Variants in KCNH4 observed in about 807,000 individuals in gnomAD.
KCNH4 encodes the protein voltage-gated delayed rectifier potassium channel KCNH4.
KCNH4 carries 33 observed loss-of-function variants against 90.7 expected under a neutral mutation model. The ratio of observed to expected loss-of-function variants is 0.36; its 90% CI spans 0.28 to 0.49. The LOEUF is 0.49. Among genes scored for constraint, KCNH4 ranks in the 20% least tolerant of loss-of-function variants. The pLI is 0.98. For synonymous variants in KCNH4, 551 were observed against 581.7 expected (o/e 0.95, Z 0.76); for missense variants, 1,044 against 1,387.1 (o/e 0.75, Z 3.93).
At chr17:42,158,693 G>T (rs1455914178) in intron 16 of KCNH4, among the ~76,000 whole-genome samples, 1 of 150,248 alleles carries the variant, frequency 6.7e-6, no homozygotes, top group Non-Finnish European at 1.5e-5. Flanking sequence ...AAATTAGCCG[G>T]GTGTGGTGGC....
chr17:42,162,743 C>A (rs9894284), intron 14 of KCNH4, among the ~76,000 whole-genome samples: 20,197 of 151,976 alleles, frequency 0.13, 1,552 homozygotes, highest in East Asian at 0.39. Flanking sequence ...CAGGTGTGCA[C>A]CACCACGCCT....
intron 9 of KCNH4, among the ~76,000 whole-genome samples, chr17:42,167,674 A>G (rs1248573772): frequency 6.6e-6 from 1 of 152,074 alleles, no homozygotes; most frequent in Non-Finnish European, 1.5e-5. Flanking sequence ...CCCAAAGCCC[A>G]TCTTCCCCCT....
Position 42,178,132 on chromosome 17 carries a change from G to A in KCNH4, c.553C>T (p.Arg185Cys), listed in dbSNP as rs150841155. The A allele has an allele frequency of 3.5e-5, 56 of 1,614,004 alleles. No individual in the cohort carries two copies. The highest frequency in any genetic ancestry group is 8.3e-5 in the Admixed American group (5 of 59,996). Residue 185 changes from arginine to cysteine, a missense_variant, in exon 4 of 17, where the codon CGC (arginine) becomes TGC (cysteine). Arg to Cys is a radical substitution (Grantham distance 180, BLOSUM62 -3). This residue lies in a region of KCNH4 where 283 missense variants were observed against 378.6 expected (regional missense o/e 0.75). Coordinates refer to ENST00000264661, the MANE Select transcript of KCNH4 (RefSeq NM_012285.3). ...VLHRLTGHFG[R>C]RGQGGMKANN... ...GCCTTCATGCCTCCCTGGCCCCGGC[G>A]GCCAAAGTGGCCGGTCAGTCGGTGT...
At chr17:42,164,016 A>C in intron 12 of KCNH4, 58 bp from the exon 13 acceptor site, 3 of 1,497,916 alleles carry the variant, frequency 2.0e-6, no homozygotes, top group Non-Finnish European at 2.7e-6. Context: ...CCCCTTCATT[A>C]AGTAAGAGCC....
rs1485365049 is a variant in KCNH4, at chr17:42,180,867, C to T, written c.76+3G>A. On this transcript the variant is annotated splice_donor_region_variant and intron_variant, in intron 1 of 16. Transcript: ENST00000264661. This position sits in a 1 kb window ranked among gnomAD's most constrained non-coding sequence, Gnocchi z 4.7. ...CTCAAGCCCCGACCTCCGTCCCACT[C>T]ACGCGTTCCGTCAAAACGGGTGGCG... 6.2e-7 allele frequency: 1 copy of T among 1,613,886 alleles called. No individual in the cohort carries two copies.
chr17:42,157,272 C>T (rs1475085501), intron 16 of KCNH4, among the ~76,000 whole-genome samples, 154 bp from the exon 17 acceptor site: 1 of 152,152 alleles, frequency 6.6e-6, no homozygotes, highest in Non-Finnish European at 1.5e-5. Flanking sequence ...GGGCTCCACC[C>T]CGGACATTCC....
chr17:42,163,250 G>A lies in KCNH4; in HGVS notation c.2562C>T (p.Pro854=), dbSNP rs1417348556. 2.5e-6 allele frequency: 4 copies of A among 1,613,838 alleles called. No homozygotes were observed. The highest frequency in any genetic ancestry group is 2.2e-5 in the East Asian group (1 of 44,892). Residue 854 remains proline, a synonymous_variant, in exon 14 of 17, where the codon CCC becomes CCT. Coordinates refer to ENST00000264661, the MANE Select transcript of KCNH4 (RefSeq NM_012285.3). The surrounding 1 kb of genome is among the most constrained non-coding windows in gnomAD (Gnocchi z 5.4). ...TACCTGTAGGGGGCGCCTGGGAGCGGGGCCTTGGCAGTTCAGGCCTCCTGC... is the reference window on the plus strand; with the variant it reads ...TACCTGTAGGGGGCGCCTGGGAGCGAGGCCTTGGCAGTTCAGGCCTCCTGC... ...RFSRRPELPR[P]RSQAPPTGTR... is the part of the protein sequence containing the mutation.
intron 16 of KCNH4, among the ~76,000 whole-genome samples, chr17:42,157,906 T>A (rs900849619): frequency 1.3e-5 from 2 of 151,948 alleles, no homozygotes; most frequent in Non-Finnish European, 2.9e-5. Flanking sequence ...CACTCACCAC[T>A]ACACCTGGCT....
chr17:42,169,756 G>T, intron 8 of KCNH4, 80 bp from the exon 9 acceptor site: 1 of 1,456,240 alleles, frequency 6.9e-7, no homozygotes. Flanking sequence ...CCCTGTCCTG[G>T]ACCAAGAGCC....
At chr17:42,176,674 C>T (rs1417022639) in intron 4 of KCNH4, among the ~76,000 whole-genome samples, 1 of 151,524 alleles carries the variant, frequency 6.6e-6, no homozygotes, top group East Asian at 1.9e-4. Flanking sequence ...GGGAACATGC[C>T]ACCACACCTG....
At chr17:42,175,375 T>C (rs952151611) in intron 6 of KCNH4, among the ~76,000 whole-genome samples, 1 of 152,256 alleles carries the variant, frequency 6.6e-6, no homozygotes, top group African/African-American at 2.4e-5. Flanking sequence ...CCTCAAAGAT[T>C]GTGAGCTGAG....
At chr17:42,159,260 C>G (rs1222197031) in intron 16 of KCNH4, among the ~76,000 whole-genome samples, 2 of 152,210 alleles carry the variant, frequency 1.3e-5, no homozygotes, top group African/African-American at 2.4e-5. Context: ...CTCCTGACCT[C>G]AGGTGATCCG....
chr17:42,160,154 G>A lies in KCNH4; in HGVS notation c.2940C>T (p.Pro980=), dbSNP rs2079735412. 1.9e-6 allele frequency: 3 copies of A among 1,612,428 alleles called. No individual in the cohort carries two copies. Among genetic ancestry groups the A allele is most frequent in the Admixed American group, 1.7e-5 (1 of 59,892 alleles). The change falls in exon 16 of 17, where the codon CCC becomes CCT. Residue 980 remains proline (P), a synonymous_variant. Coordinates refer to ENST00000264661, the MANE Select transcript of KCNH4 (RefSeq NM_012285.3). ...GAGGGTCAGGCTCTGAGGGGTAGGG[G>A]GGCAATATGGAAGGTCTCAAGTCCA... The part of the protein sequence containing the change: ...ALLDLRPSIL[P]PYPSEPDPLG...
intron 4 of KCNH4, 81 bp downstream of exon 4, chr17:42,178,019 G>A (rs1047401414): frequency 6.5e-7 from 1 of 1,547,414 alleles, no homozygotes; most frequent in Non-Finnish European, 8.8e-7. Flanking sequence ...GACAGACAGG[G>A]AAGTGGGGAG....
intron 6 of KCNH4, among the ~76,000 whole-genome samples, chr17:42,173,997 G>A (rs1002138605): frequency 2.6e-5 from 4 of 151,936 alleles, no homozygotes; most frequent in African/African-American, 7.3e-5. Flanking sequence ...CACTGCGCCC[G>A]GCCAAGCTGG....
At position 42,164,309 on chromosome 17, in the gene KCNH4, C is replaced by G. The variant is rs144085797; in HGVS notation, c.2086-141G>C. On this transcript the variant is annotated intron_variant, in intron 11 of 16. Coordinates refer to ENST00000264661, the MANE Select transcript of KCNH4 (RefSeq NM_012285.3). ...GCTGAGTCAGAAACTATAACCCTAA[C>G]TCAAACAAACACTGCATATCAAAGT... 5.2e-5 allele frequency: 37 copies of G among 711,950 alleles called. No individual in the cohort carries two copies. The African/African-American group carries it at 6.6e-4, about 13-fold the overall frequency. The allele number at this position is 711,950 out of a possible 1,614,324, so 44.1% of individuals were successfully genotyped here. A position where few individuals can be genotyped will look rare whatever the true frequency, so the allele number is the denominator to read the frequency against.
chr17:42,175,961 G>A, intron 5 of KCNH4, 93 bp downstream of exon 5: 2 of 1,411,948 alleles, frequency 1.4e-6, no homozygotes, highest in South Asian at 2.7e-5. Context: ...GGCTCTGAAT[G>A]TCTGGGTCAT....
intron 4 of KCNH4, among the ~76,000 whole-genome samples, chr17:42,177,462 G>C (rs2079870395): frequency 6.6e-6 from 1 of 151,908 alleles, no homozygotes; most frequent in East Asian, 1.9e-4. Context: ...GCCTCCCAAA[G>C]TGCTGGGATT....
chr17:42,176,243 C>T lies in KCNH4; in HGVS notation c.640G>A (p.Gly214Arg), dbSNP rs1447266754. ...TAGTGGAGGAGGAGGCAGCGAGACC[C>T]CCCCACGGAGGCCACCTTGTACTCG... Reference protein sequence around the residue: ...VPEYKVASVGGSRCLLLHYSV... With the variant: ...VPEYKVASVGRSRCLLLHYSV... Residue 214 changes from glycine (G) to arginine (R), a missense_variant, in exon 5 of 17, where the codon GGG (glycine) becomes AGG (arginine). Gly to Arg is a moderately radical substitution (Grantham distance 125). Around this residue, in one of 4 missense-constraint regions of KCNH4, gnomAD observed 283 missense variants for 378.6 expected, o/e 0.75. Transcript: ENST00000264661. 2 of 1,613,744 alleles carry T rather than the reference C, an allele frequency of 1.2e-6. No individual in the cohort carries two copies. Among genetic ancestry groups the T allele is most frequent in the South Asian group, 2.2e-5 (2 of 91,072 alleles).
Sources: allele counts gnomAD v4.1 joint callset (sites outside exome capture counted in the v4.1 genomes callset), GRCh38; gene constraint gnomAD v4.1.1; regional missense constraint gnomAD v4.1.1; non-coding constraint Gnocchi (gnomAD v3.1); transcripts MANE v1.5; gene names NCBI Gene and HGNC (gene_info 2026-07-23, HGNC 2026-07-21).